Variants in MAGI1 observed in about 807,000 individuals in gnomAD.
The protein encoded by MAGI1 is membrane associated guanylate kinase, WW and PDZ domain containing 1.
In MAGI1, 58 loss-of-function variants were observed where a neutral mutation model predicts 139.9. The ratio of observed to expected loss-of-function variants is 0.41; its 90% CI spans 0.34 to 0.52. The LOEUF (loss-of-function observed/expected upper bound fraction) is 0.52. Ranked by LOEUF, MAGI1 falls within the 20% of genes least tolerant of loss-of-function variation. The pLI is 0.12. For missense variants in MAGI1, 1,874 were observed against 1,901.6 expected, an observed-to-expected ratio of 0.99 and a Z score of 0.27; for synonymous variants, 812 against 737.9, an observed-to-expected ratio of 1.10 and a Z score of -1.63.
At position 65,852,063 on chromosome 3, in the gene MAGI1, G is replaced by A. The variant is rs74873307; in HGVS notation, c.313+185933C>T. On this transcript the variant is annotated intron_variant, in intron 1 of 22. Coordinates refer to ENST00000402939, the MANE Select transcript of MAGI1 (RefSeq NM_001033057.2). ...TTGAGCTGGAAGTGGGAAGGCTCAA[G>A]GAATTGTGGGCCCAAGGCAAACTTG... 1.6e-3 allele frequency among the ~76,000 whole-genome samples: 244 copies of A among 152,314 alleles called. 7 individuals carry two copies. In the East Asian group the frequency reaches 0.043, roughly 27 times the overall value.
intron 2 of MAGI1, among the ~76,000 whole-genome samples, chr3:65,549,245 G>A (rs1339638729): frequency 6.6e-6 from 1 of 152,068 alleles, no homozygotes; most frequent in Admixed American, 6.5e-5. Context: ...CGTTCCAGCC[G>A]CTCCCCGGCG....
At chr3:65,686,262 G>C (rs2088019425) in intron 1 of MAGI1, among the ~76,000 whole-genome samples, 1 of 151,912 alleles carries the variant, frequency 6.6e-6, no homozygotes, top group Non-Finnish European at 1.5e-5. Flanking sequence ...TCTCTCCTCT[G>C]GGCATTTTGG....
At chr3:66,031,635 A>G (rs1213128903) in intron 1 of MAGI1, among the ~76,000 whole-genome samples, 1 of 152,092 alleles carries the variant, frequency 6.6e-6, no homozygotes, top group East Asian at 1.9e-4. Context: ...TCCTTCCAAG[A>G]GTGGTCTTTT....
intron 1 of MAGI1, among the ~76,000 whole-genome samples, chr3:65,773,451 T>G (rs2038118657): frequency 6.6e-6 from 1 of 152,162 alleles, no homozygotes; most frequent in Non-Finnish European, 1.5e-5. Flanking sequence ...GAAGATCACT[T>G]GAGCCTGGGA....
chr3:65,640,224 A>G (rs1175056909), intron 1 of MAGI1, among the ~76,000 whole-genome samples: 1 of 151,948 alleles, frequency 6.6e-6, no homozygotes, highest in East Asian at 1.9e-4. Context: ...TTCTCTCTAT[A>G]TATACATCCT....
chr3:65,433,740 C>T (rs1235545200), intron 10 of MAGI1, among the ~76,000 whole-genome samples: 1 of 151,936 alleles, frequency 6.6e-6, no homozygotes, highest in East Asian at 1.9e-4. Context: ...GGGTCTTGGC[C>T]CAAAACTCTG....
intron 13 of MAGI1, among the ~76,000 whole-genome samples, chr3:65,399,812 CAG>C (rs1054650227): frequency 6.6e-6 from 1 of 152,116 alleles, no homozygotes; most frequent in African/African-American, 2.4e-5. Flanking sequence ...TTGGGGGAAA[CAG>C]AAATGCAAAT....
At chr3:65,767,222 T>C (rs966287062) in intron 1 of MAGI1, among the ~76,000 whole-genome samples, 1 of 152,228 alleles carries the variant, frequency 6.6e-6, no homozygotes, top group African/African-American at 2.4e-5. Flanking sequence ...AGCAAGAGTG[T>C]TATCCCCCAA....
At chr3:65,416,092 T>G (rs1343735225) in intron 12 of MAGI1, among the ~76,000 whole-genome samples, 1 of 152,248 alleles carries the variant, frequency 6.6e-6, no homozygotes, top group Admixed American at 6.5e-5. Context: ...CGTGTAGACC[T>G]AATTCCAACT....
chr3:65,561,882 A>G (rs566012051), intron 2 of MAGI1, among the ~76,000 whole-genome samples: 2 of 152,182 alleles, frequency 1.3e-5, no homozygotes, highest in Non-Finnish European at 2.9e-5. Flanking sequence ...CCCCCAATAC[A>G]GTTTCACTTC....
intron 1 of MAGI1, among the ~76,000 whole-genome samples, chr3:65,767,100 C>G (rs889518925): frequency 2.6e-5 from 4 of 152,082 alleles, no homozygotes; most frequent in Non-Finnish European, 5.9e-5. Flanking sequence ...CACGCAAAAT[C>G]AATCTGCACA....
At chr3:65,494,219 A>T (rs1333591571) in intron 2 of MAGI1, among the ~76,000 whole-genome samples, 1 of 152,224 alleles carries the variant, frequency 6.6e-6, no homozygotes, top group Non-Finnish European at 1.5e-5. Flanking sequence ...TATGTTGGGC[A>T]AAAAGAGGCC....
At chr3:65,443,462 C>T (rs902718824) in intron 7 of MAGI1, among the ~76,000 whole-genome samples, 1 of 152,228 alleles carries the variant, frequency 6.6e-6, no homozygotes, top group East Asian at 1.9e-4. Flanking sequence ...CTATCTAAGG[C>T]GGATGATTTT....
At chr3:65,714,277 C>T (rs1456103972) in intron 1 of MAGI1, among the ~76,000 whole-genome samples, 1 of 152,098 alleles carries the variant, frequency 6.6e-6, no homozygotes, top group Non-Finnish European at 1.5e-5. Flanking sequence ...CTGCAAAGAA[C>T]ACTAAGGCCT....
chr3:65,950,721 C>T (rs1400856065), intron 1 of MAGI1, among the ~76,000 whole-genome samples: 1 of 152,056 alleles, frequency 6.6e-6, no homozygotes, highest in African/African-American at 2.4e-5. Flanking sequence ...CCCCACTGGT[C>T]GGCAAAAGCC....
At chr3:65,653,519 G>A (rs1047049088) in intron 1 of MAGI1, among the ~76,000 whole-genome samples, 7 of 152,244 alleles carry the variant, frequency 4.6e-5, no homozygotes, top group African/African-American at 1.7e-4. Context: ...AGAACACAAT[G>A]TCATGTGCAA....
rs71102867 is a variant in MAGI1, at chr3:65,516,718, C to CT, written c.431-23088dup. 8.5e-3 allele frequency among the ~76,000 whole-genome samples: 571 copies of CT among 66,942 alleles called. 85 individuals carry two copies. Among genetic ancestry groups the CT allele is most frequent in the African/African-American group, 0.022 (390 of 17,538 alleles). 43.9% of individuals were successfully genotyped at this position (66,942 alleles called of 152,430 possible). ...GGAAGAAACATAGTACATCCCACCT[C>CT]TTTTTTTTTTTTTTTTTTTTTTTTT... On this transcript the variant is annotated intron_variant, in intron 2 of 22. Coordinates refer to ENST00000402939, the MANE Select transcript of MAGI1 (RefSeq NM_001033057.2).
intron 1 of MAGI1, among the ~76,000 whole-genome samples, chr3:65,835,023 T>C (rs1575648830): frequency 6.6e-6 from 1 of 152,344 alleles, no homozygotes; most frequent in African/African-American, 2.4e-5. Context: ...GGTCATGTTT[T>C]AGTCCACGCT....
At chr3:65,447,893 T>C (rs1948772455) in intron 7 of MAGI1, 129 bp downstream of exon 7, 1 of 1,080,504 alleles carries the variant, frequency 9.3e-7, no homozygotes, top group East Asian at 2.4e-5. Context: ...CTGGATAAGC[T>C]AGAATGAAAA....
Sources: gnomAD v4.1 joint callset for allele counts (sites outside exome capture counted in the v4.1 genomes callset) on GRCh38, gnomAD v4.1.1 for gene constraint, MANE v1.5 for transcripts, NCBI Gene and HGNC (gene_info 2026-07-23, HGNC 2026-07-21) for gene names.